Variants in S100A6 observed in about 807,000 individuals in gnomAD.
The protein encoded by S100A6 is S100 calcium binding protein A6.
Under a neutral mutation model 3.5 loss-of-function variants are expected in S100A6, and 3 were observed. The ratio of observed to expected loss-of-function variants is 0.87; its 90% confidence interval spans 0.39 to 2.24. The LOEUF (loss-of-function observed/expected upper bound fraction) is 2.24, where lower values mean the gene tolerates loss of function less well. Among genes scored for constraint, S100A6 ranks in the 30% most tolerant of loss-of-function variants. S100A6 has a pLI of 0.05. For synonymous variants in S100A6, 48 were observed against 45.2 expected (o/e 1.06, Z -0.25); for missense variants, 114 against 105.3 (o/e 1.08, Z -0.36).
chr1:153,535,023 G>A (rs935991873), intron 2 of S100A6, 179 bp downstream of exon 2: 10 of 1,102,798 alleles, frequency 9.1e-6, no homozygotes, highest in Admixed American at 5.3e-5. Flanking sequence ...ATGGATATCC[G>A]GCTGGAAGCA....
chr1:153,535,651 G>C (rs1665161879), intron 1 of S100A6: 2 of 280,562 alleles, frequency 7.1e-6, no homozygotes, highest in Non-Finnish European at 1.4e-5. Flanking sequence ...GCTGGGCAGG[G>C]GAGGGGAATG....
chr1:153,535,369 A>G lies in S100A6; in HGVS notation c.-21-9T>C, dbSNP rs546742036. On this transcript the variant is annotated splice_polypyrimidine_tract_variant and intron_variant, in intron 1 of 2. Transcript: ENST00000368719. ...GAGGGCTGGGCTTGGAGCTGGCAGCAGAGGGCCTAGTCAGTGCCATGGGAG... is the reference window on the plus strand; with the variant it reads ...GAGGGCTGGGCTTGGAGCTGGCAGCGGAGGGCCTAGTCAGTGCCATGGGAG... 6.2e-7 allele frequency: 1 copy of G among 1,612,484 alleles called. No individual in the cohort carries two copies. Among genetic ancestry groups the G allele is most frequent in the South Asian group, 1.1e-5 (1 of 91,046 alleles).
chr1:153,535,137 C>T (rs1009046907), intron 2 of S100A6, 65 bp downstream of exon 2: 1 of 1,598,770 alleles, frequency 6.3e-7, no homozygotes, highest in Non-Finnish European at 8.5e-7. Context: ...GCACCTCTCT[C>T]TCCCCTAATC....
rs1218352685 is a variant in S100A6 at position 153,534,836 on chromosome 1, G to A, written c.139-6C>T. 1.2e-6 allele frequency: 2 copies of A among 1,608,208 alleles called. No individual in the cohort carries two copies. Among genetic ancestry groups the A allele is most frequent in the Non-Finnish European group, 1.7e-6 (2 of 1,178,268 alleles). ...ATTTCAGCATCCTGCAGCTTCTAAT[G>A]TGTTAGAATGTGAAATCCATACTCA... is the stretch of plus-strand genomic sequence containing the variant. On this transcript the variant is annotated splice_region_variant and splice_polypyrimidine_tract_variant and intron_variant, in intron 2 of 2. Transcript: ENST00000368719.
chr1:153,535,043 C>G, intron 2 of S100A6, 159 bp downstream of exon 2: 2 of 1,161,650 alleles, frequency 1.7e-6, no homozygotes, highest in Non-Finnish European at 2.4e-6. Context: ...ATCCCCTACC[C>G]GCTGGGAGAG....
chr1:153,535,295 G>T lies in S100A6; in HGVS notation c.45C>A (p.Ile15=). 2 of 1,614,182 alleles carry T rather than the reference G, an allele frequency of 1.2e-6. No individual in the cohort carries two copies. The highest frequency in any genetic ancestry group is 1.7e-6 in the Non-Finnish European group (2 of 1,180,040). ...LDQAIGLLVA[I]FHKYSGREGD... is the part of the protein sequence containing the mutation. Reference sequence around the variant, plus strand: ...CCTCCCTGCCGGAGTACTTGTGGAAGATGGCCACGAGGAGGCCAATGGCCT... The same window carrying T: ...CCTCCCTGCCGGAGTACTTGTGGAATATGGCCACGAGGAGGCCAATGGCCT... The change falls in exon 2 of 3, where the codon ATC becomes ATA. Residue 15 remains isoleucine, a synonymous_variant. Coordinates refer to ENST00000368719, the MANE Select transcript of S100A6 (RefSeq NM_014624.4).
Position 153,535,330 on chromosome 1 carries a change from G to A in S100A6, c.10C>T (p.Pro4Ser). 17 of 1,614,040 alleles carry A rather than the reference G, an allele frequency of 1.1e-5. No homozygotes were observed. The highest frequency in any genetic ancestry group is 1.4e-5 in the Non-Finnish European group (17 of 1,179,982). The change falls in exon 2 of 3, where the codon CCC (proline) becomes TCC (serine). Residue 4 changes from proline (P) to serine (S), a missense_variant. Physicochemically the swap from Pro to Ser is moderately conservative, Grantham distance 74. Coordinates refer to ENST00000368719, the MANE Select transcript of S100A6 (RefSeq NM_014624.4). MAC[P>S]LDQAIGLLVA... The stretch of plus-strand genomic sequence containing the variant: ...AGGAGGCCAATGGCCTGATCCAGGG[G>A]GCATGCCATGGCTGAGGGCTGGGCT...
intron 2 of S100A6, 142 bp downstream of exon 2, chr1:153,535,060 T>C: frequency 8.0e-7 from 1 of 1,254,360 alleles, no homozygotes; most frequent in South Asian, 1.4e-5. Context: ...AGAGTGGGTC[T>C]ACAGCTCAGG....
Position 153,535,210 on chromosome 1 carries a change from T to C in S100A6, c.130A>G (p.Ile44Val). Residue 44 changes from isoleucine (I) to valine (V), a missense_variant, in exon 2 of 3, where the codon ATT becomes GTT. Transcript: ENST00000368719. Reference protein sequence around the residue: ...LKELIQKELTIGSKLQDAEIA... With the variant: ...LKELIQKELTVGSKLQDAEIA... ...GGGAGGAGGCCACTCACCGAGCCAA[T>C]GGTGAGCTCCTTCTGGATCAGCTCC... 3 of 1,613,902 alleles carry C rather than the reference T, an allele frequency of 1.9e-6. No individual in the cohort carries two copies. The highest frequency in any genetic ancestry group is 2.5e-6 in the Non-Finnish European group (3 of 1,179,942).
At position 153,535,311 on chromosome 1, in the gene S100A6, C is replaced by T. The variant is rs143042985; in HGVS notation, c.29G>A (p.Gly10Asp). ...CTTGTGGAAGATGGCCACGAGGAGG[C>T]CAATGGCCTGATCCAGGGGGCATGC... MACPLDQAI[G>D]LLVAIFHKYS... Residue 10 changes from glycine (G) to aspartate (D), a missense_variant, in exon 2 of 3, where the codon GGC becomes GAC. Gly to Asp is a moderately conservative substitution (Grantham distance 94). Transcript: ENST00000368719. 116 of 1,614,118 alleles carry T rather than the reference C, an allele frequency of 7.2e-5. No homozygotes were observed. Among genetic ancestry groups the T allele is most frequent in the Non-Finnish European group, 9.2e-5 (109 of 1,180,008 alleles).
At chr1:153,535,134 T>C (rs890892676) in intron 2 of S100A6, 68 bp downstream of exon 2, 3 of 1,596,310 alleles carry the variant, frequency 1.9e-6, no homozygotes, top group Non-Finnish European at 2.6e-6. Flanking sequence ...CTGGCACCTC[T>C]CTCTCCCCTA....
Position 153,535,280 on chromosome 1 carries a change from G to T in S100A6, c.60C>A (p.Ser20=). ...GGGTGTGCTTGTCACCCTCCCTGCC[G>T]GAGTACTTGTGGAAGATGGCCACGA... is the stretch of plus-strand genomic sequence containing the variant. ...GLLVAIFHKY[S]GREGDKHTLS... The change falls in exon 2 of 3, where the codon TCC becomes TCA. Residue 20 remains serine, a synonymous_variant. Coordinates refer to ENST00000368719, the MANE Select transcript of S100A6 (RefSeq NM_014624.4). 1 of 1,614,188 alleles carries T rather than the reference G, an allele frequency of 6.2e-7. No homozygotes were observed. The highest frequency in any genetic ancestry group is 8.5e-7 in the Non-Finnish European group (1 of 1,180,042).
chr1:153,535,648 A>G (rs1571229655), intron 1 of S100A6: 1 of 289,252 alleles, frequency 3.5e-6, no homozygotes, highest in East Asian at 7.0e-5. Context: ...ATGGCTGGGC[A>G]GGGGAGGGGA....
chr1:153,534,851 A>C, intron 2 of S100A6, 21 bp from the exon 3 acceptor site: 1 of 1,604,984 alleles, frequency 6.2e-7, no homozygotes, highest in Non-Finnish European at 8.5e-7. Flanking sequence ...AGAATGTGAA[A>C]TCCATACTCA....
At position 153,535,282 on chromosome 1, in the gene S100A6, A is replaced by G. The variant is rs746918141; in HGVS notation, c.58T>C (p.Ser20Pro). 7.4e-6 allele frequency: 12 copies of G among 1,614,012 alleles called. No individual in the cohort carries two copies. The African/African-American group carries it at 1.5e-4, about 20-fold the overall frequency. Residue 20 changes from serine to proline, a missense_variant, in exon 2 of 3, where the codon TCC (serine) becomes CCC (proline). Ser to Pro is a moderately conservative substitution (Grantham distance 74). Transcript: ENST00000368719. ...GTGTGCTTGTCACCCTCCCTGCCGG[A>G]GTACTTGTGGAAGATGGCCACGAGG... ...GLLVAIFHKYSGREGDKHTLS... is the reference protein window; with the variant it reads ...GLLVAIFHKYPGREGDKHTLS...
intron 2 of S100A6, 48 bp downstream of exon 2, chr1:153,535,154 C>A: frequency 1.2e-6 from 2 of 1,610,458 alleles, no homozygotes; most frequent in Non-Finnish European, 1.7e-6. Flanking sequence ...AATCCTGCTT[C>A]CAAAGGACAA....
intron 2 of S100A6, 128 bp from the exon 3 acceptor site, chr1:153,534,958 C>T (rs1665139324): frequency 2.3e-6 from 3 of 1,283,536 alleles, no homozygotes; most frequent in Admixed American, 2.3e-5. Context: ...ACCCATGTCA[C>T]TTTGGCATTG....
intron 2 of S100A6, 25 bp downstream of exon 2, chr1:153,535,177 G>A (rs779885232): frequency 1.7e-5 from 27 of 1,613,606 alleles, no homozygotes; most frequent in African/African-American, 4.0e-5. Context: ...GTGGGAAAAG[G>A]GGTCCTGGGG....
At chr1:153,535,140 C>A (rs1665144502) in intron 2 of S100A6, 62 bp downstream of exon 2, 2 of 1,605,584 alleles carry the variant, frequency 1.2e-6, no homozygotes, top group Non-Finnish European at 1.7e-6. Context: ...CCTCTCTCTC[C>A]CCTAATCCTG....
Sources: allele counts gnomAD v4.1 joint callset, GRCh38; gene constraint gnomAD v4.1.1; transcripts MANE v1.5; gene names NCBI Gene and HGNC (gene_info 2026-07-23, HGNC 2026-07-21).